Variants in GALK2 observed in about 807,000 individuals in gnomAD.
GALK2 encodes the protein galactokinase 2.
A neutral mutation model predicts 52.4 loss-of-function variants in GALK2; 36 were observed. The observed-to-expected ratio is 0.69, with a 90% CI of 0.53 to 0.91. The LOEUF (loss-of-function observed/expected upper bound fraction) is 0.91, where lower values mean the gene tolerates loss of function less well. Among genes scored for constraint, GALK2 ranks in the 40% least tolerant of loss-of-function variants. GALK2 has a pLI of 0.00. For missense variants in GALK2, 579 were observed against 559.1 expected (o/e 1.04, Z -0.36); for synonymous variants, 176 against 199.1 (o/e 0.88, Z 0.98).
At chr15:49,158,759 A>G (rs1358536836) in intron 1 of GALK2, 5 of 152,250 alleles carry the variant, frequency 3.3e-5, no homozygotes, top group African/African-American at 1.2e-4. Flanking sequence ...TGACTCCACA[A>G]ATGGTTATGT....
chr15:49,314,156 T>C (rs565935443), intron 8 of GALK2, among the ~76,000 whole-genome samples: 1 of 152,372 alleles, frequency 6.6e-6, no homozygotes, highest in East Asian at 1.9e-4. Context: ...GATCATAAAC[T>C]ATGTAACCAT....
chr15:49,272,992 T>G (rs2030969213), intron 5 of GALK2, among the ~76,000 whole-genome samples: 1 of 152,204 alleles, frequency 6.6e-6, no homozygotes, highest in Non-Finnish European at 1.5e-5. Context: ...ACTGAGCACC[T>G]GAGATATTTT....
rs546204831 is a variant in GALK2 at position 49,330,440 on chromosome 15, C to G, written c.*2281C>G. On this transcript the variant is annotated 3_prime_UTR_variant, in exon 10 of 10. Coordinates refer to ENST00000560031, the MANE Select transcript of GALK2 (RefSeq NM_002044.4). ...GATTGTACAAGCAGTATCAGATATT[C>G]TGGATTACTCAGAATCTGGATTACT... The G allele has an allele frequency of 6.6e-6, 1 of 152,274 alleles. No individual in the cohort carries two copies. Among genetic ancestry groups the G allele is most frequent in the South Asian group, 2.1e-4 (1 of 4,830 alleles). 9.4% of individuals were successfully genotyped at this position (152,274 alleles called of 1,614,324 possible).
chr15:49,195,481 A>T (rs2087142937), intron 1 of GALK2, among the ~76,000 whole-genome samples: 1 of 152,190 alleles, frequency 6.6e-6, no homozygotes, highest in African/African-American at 2.4e-5. Context: ...TGGTGCTAAC[A>T]TTAATTATAT....
chr15:49,360,720 G>A (rs961839207), intron 3 of GALK2, among the ~76,000 whole-genome samples: 1 of 152,098 alleles, frequency 6.6e-6, no homozygotes, highest in Non-Finnish European at 1.5e-5. Flanking sequence ...AAGTGACCAA[G>A]TTTTTAATAA....
rs1017009762 is a variant in GALK2, at chr15:49,331,323, A to G, written c.*3164A>G. The G allele has an allele frequency of 3.9e-5, 6 of 154,040 alleles. No homozygotes were observed. The highest frequency in any genetic ancestry group is 1.2e-4 in the African/African-American group (5 of 41,606). The allele number at this position is 154,040 out of a possible 1,614,324, so 9.5% of individuals were successfully genotyped here. On this transcript the variant is annotated 3_prime_UTR_variant, in exon 10 of 10. Coordinates refer to ENST00000560031, the MANE Select transcript of GALK2 (RefSeq NM_002044.4). ...AAAAGAGAAGATGACAAGGAAAATC[A>G]GAAAGATGGAACAGGCTCCTTTCTT...
chr15:49,196,140 C>A (rs1566926228), intron 1 of GALK2, among the ~76,000 whole-genome samples: 1 of 152,024 alleles, frequency 6.6e-6, no homozygotes, highest in Admixed American at 6.6e-5. Context: ...TTTTTCTACT[C>A]CCCATATCAT....
intron 5 of GALK2, among the ~76,000 whole-genome samples, chr15:49,262,014 T>C (rs2092134424): frequency 6.6e-6 from 1 of 152,214 alleles, no homozygotes; most frequent in African/African-American, 2.4e-5. Context: ...TTCAAGGATA[T>C]TGGTCTAAAA....
At chr15:49,345,115 C>T (rs1192168013) in intron 3 of GALK2, among the ~76,000 whole-genome samples, 2 of 152,114 alleles carry the variant, frequency 1.3e-5, no homozygotes, top group Non-Finnish European at 2.9e-5. Flanking sequence ...AGTATCATTT[C>T]CATGATTATT....
intron 3 of GALK2, among the ~76,000 whole-genome samples, chr15:49,227,450 G>A (rs990196027): frequency 2.0e-5 from 3 of 151,140 alleles, no homozygotes; most frequent in African/African-American, 7.3e-5. Context: ...GGCTATTCCT[G>A]CTTGCTTTTG....
upstream of GALK2, among the ~76,000 whole-genome samples, chr15:49,166,729 G>C (rs2084836485): frequency 6.6e-6 from 1 of 152,022 alleles, no homozygotes; most frequent in Non-Finnish European, 1.5e-5. Flanking sequence ...CAACAAAAAA[G>C]AAGGAATGTA....
At chr15:49,193,698 T>A (rs2086955316) in intron 1 of GALK2, among the ~76,000 whole-genome samples, 2 of 151,856 alleles carry the variant, frequency 1.3e-5, no homozygotes, top group Non-Finnish European at 2.9e-5. Context: ...TCTAACCAAT[T>A]GTACTAGCAT....
At chr15:49,255,582 T>C (rs539135652) in intron 5 of GALK2, among the ~76,000 whole-genome samples, 7 of 107,714 alleles carry the variant, frequency 6.5e-5, no homozygotes, top group African/African-American at 1.8e-4. Context: ...ATGGATGTCC[T>C]TCTTGGTGAA....
chr15:49,260,979 A>G lies in GALK2; in HGVS notation c.505-21008A>G, dbSNP rs544627867. ...GTTTTGGTTACTGTAGCCTTGTAGT[A>G]TAGTTTGAAGTCAGGTAGTGTGATG... On this transcript the variant is annotated intron_variant, in intron 5 of 9. Coordinates refer to ENST00000560031, the MANE Select transcript of GALK2 (RefSeq NM_002044.4). 1.4e-4 allele frequency among the ~76,000 whole-genome samples: 21 copies of G among 152,024 alleles called. No individual in the cohort carries two copies. The South Asian group carries it at 3.5e-3, about 26-fold the overall frequency.
chr15:49,172,731 A>G (rs151168275), intron 1 of GALK2, among the ~76,000 whole-genome samples: 1 of 152,250 alleles, frequency 6.6e-6, no homozygotes, highest in African/African-American at 2.4e-5. Flanking sequence ...TGAAGTTCTA[A>G]TATTTTCTTT....
At position 49,239,089 on chromosome 15, in the gene GALK2, AT is replaced by A. The variant is rs1412834539; in HGVS notation, c.358-130del. ...TCACATATAGTCTCAACTAAATTGA[AT>A]TGCATAAGTAGTTTCTATAACTATT... On this transcript the variant is annotated intron_variant, in intron 4 of 9. Coordinates refer to ENST00000560031, the MANE Select transcript of GALK2 (RefSeq NM_002044.4). 7 of 679,674 alleles carry A rather than the reference AT, an allele frequency of 1.0e-5. No individual in the cohort carries two copies. In the East Asian group the frequency reaches 1.9e-4, roughly 19 times the overall value. The allele number at this position is 679,674 out of a possible 1,614,324, so 42.1% of individuals were successfully genotyped here.
chr15:49,233,077 T>C (rs2090594761), intron 3 of GALK2, among the ~76,000 whole-genome samples: 1 of 152,250 alleles, frequency 6.6e-6, no homozygotes, highest in South Asian at 2.1e-4. Context: ...AGTTCATTCT[T>C]GCACTGCTAT....
intron 1 of GALK2, among the ~76,000 whole-genome samples, chr15:49,182,502 G>A (rs2086051730): frequency 6.6e-6 from 1 of 152,094 alleles, no homozygotes; most frequent in South Asian, 2.1e-4. Flanking sequence ...TTGGATATAT[G>A]CCTAGCAGTG....
intron 3 of GALK2, among the ~76,000 whole-genome samples, chr15:49,338,870 A>C (rs906175250): frequency 2.6e-5 from 4 of 151,600 alleles, no homozygotes; most frequent in African/African-American, 9.7e-5. Context: ...GCTTTACTTC[A>C]TTGAGTTGAT....
Sources: gnomAD v4.1 joint callset for allele counts (sites outside exome capture counted in the v4.1 genomes callset) on GRCh38, gnomAD v4.1.1 for gene constraint, MANE v1.5 for transcripts, NCBI Gene and HGNC (gene_info 2026-07-23, HGNC 2026-07-21) for gene names.